LIN7A: variants seen among roughly 807,000 people sequenced by gnomAD.
LIN7A encodes the protein protein lin-7 homolog A.
A neutral mutation model predicts 29.8 loss-of-function variants in LIN7A; 25 were observed. The observed-to-expected ratio is 0.84, with a 90% CI of 0.61 to 1.17. The LOEUF (loss-of-function observed/expected upper bound fraction) is 1.17. LIN7A is among the 50% of genes most tolerant of loss of function. The pLI is 0.00. For missense variants in LIN7A, 239 were observed against 287.0 expected (o/e 0.83, Z 1.21); for synonymous variants, 118 against 107.5 (o/e 1.10, Z -0.60).
chr12:80,892,147 C>A (rs1338839980), intron 1 of LIN7A, among the ~76,000 whole-genome samples: 2 of 152,198 alleles, frequency 1.3e-5, no homozygotes, highest in East Asian at 3.8e-4. Flanking sequence ...CCTCCTTTAT[C>A]TCTGTGAATG....
intron 2 of LIN7A, among the ~76,000 whole-genome samples, chr12:80,865,603 A>T (rs1920996): frequency 6.6e-6 from 1 of 151,986 alleles, no homozygotes; most frequent in Admixed American, 6.6e-5. Context: ...CAGTGCTGAA[A>T]TGTCCACTTT....
chr12:80,838,587 C>T (rs1000741365), intron 4 of LIN7A, among the ~76,000 whole-genome samples: 2 of 152,094 alleles, frequency 1.3e-5, no homozygotes, highest in South Asian at 2.1e-4. Flanking sequence ...GATGTCATGC[C>T]GAGAATAAAA....
chr12:80,874,509 G>A (rs975521971), intron 2 of LIN7A, among the ~76,000 whole-genome samples: 14 of 152,154 alleles, frequency 9.2e-5, no homozygotes, highest in South Asian at 6.2e-4. Flanking sequence ...AAATATATGA[G>A]AAAATAGAAT....
chr12:80,932,478 G>A (rs79494407), intron 1 of LIN7A, among the ~76,000 whole-genome samples: 1,756 of 152,232 alleles, frequency 0.012, 26 homozygotes, highest in African/African-American at 0.04. Flanking sequence ...TTTAACTCAC[G>A]GAAAAGTTAG....
intron 4 of LIN7A, among the ~76,000 whole-genome samples, chr12:80,836,484 C>G (rs1872593830): frequency 6.6e-6 from 1 of 152,094 alleles, no homozygotes; most frequent in Non-Finnish European, 1.5e-5. Flanking sequence ...TAGTGAAAGC[C>G]TGTTTCTATC....
At chr12:80,869,853 ACT>A (rs928858345) in intron 2 of LIN7A, among the ~76,000 whole-genome samples, 2 of 151,968 alleles carry the variant, frequency 1.3e-5, no homozygotes, top group Non-Finnish European at 2.9e-5. Context: ...ACTGAACATG[ACT>A]TACCCTAACA....
chr12:80,878,450 T>TG (rs1874833600), intron 2 of LIN7A, among the ~76,000 whole-genome samples: 1 of 152,228 alleles, frequency 6.6e-6, no homozygotes, highest in African/African-American at 2.4e-5. Context: ...AGTTTGTTCC[T>TG]GCTGGTGGGT....
intron 1 of LIN7A, among the ~76,000 whole-genome samples, chr12:80,890,227 G>C (rs936113474): frequency 1.3e-5 from 2 of 152,050 alleles, no homozygotes; most frequent in Non-Finnish European, 1.5e-5. Context: ...ATTCAATAAA[G>C]AGTCATTTAA....
intron 1 of LIN7A, among the ~76,000 whole-genome samples, chr12:80,908,551 G>A (rs935354018): frequency 6.6e-6 from 1 of 151,976 alleles, no homozygotes; most frequent in African/African-American, 2.4e-5. Flanking sequence ...TTAAGGTATT[G>A]AGACTAATAA....
intron 1 of LIN7A, among the ~76,000 whole-genome samples, chr12:80,898,914 A>G (rs1171431519): frequency 1.3e-5 from 2 of 152,206 alleles, no homozygotes. Flanking sequence ...TAGGTATAGA[A>G]TTATATAGTC....
chr12:80,848,192 C>A, intron 3 of LIN7A, 59 bp downstream of exon 3: 1 of 1,243,066 alleles, frequency 8.0e-7, no homozygotes, highest in Non-Finnish European at 1.2e-6. Flanking sequence ...CACACACGCG[C>A]ACAATCAATT....
chr12:80,813,112 G>A (rs570869147), intron 4 of LIN7A, among the ~76,000 whole-genome samples: 12 of 152,124 alleles, frequency 7.9e-5, no homozygotes, highest in Non-Finnish European at 1.5e-4. Context: ...CCGGGTTCAT[G>A]CCATTCTCCT....
intron 4 of LIN7A, among the ~76,000 whole-genome samples, chr12:80,822,909 T>G (rs1353548075): frequency 6.6e-6 from 1 of 152,168 alleles, no homozygotes; most frequent in East Asian, 1.9e-4. Context: ...GGGGCTGGGC[T>G]GCCTGTTCAA....
intron 2 of LIN7A, among the ~76,000 whole-genome samples, chr12:80,881,587 A>C (rs1012152258): frequency 1.3e-5 from 2 of 151,878 alleles, no homozygotes; most frequent in Admixed American, 6.6e-5. Flanking sequence ...TACCATGAAC[A>C]ATTTTTTGCA....
chr12:80,893,243 C>T (rs1875718203), intron 1 of LIN7A, among the ~76,000 whole-genome samples: 1 of 151,966 alleles, frequency 6.6e-6, no homozygotes, highest in African/African-American at 2.4e-5. Context: ...CATAAAAGCC[C>T]ACAGATGACA....
intron 2 of LIN7A, among the ~76,000 whole-genome samples, chr12:80,853,899 G>T (rs1282820566): frequency 6.6e-6 from 1 of 152,014 alleles, no homozygotes; most frequent in African/African-American, 2.4e-5. Flanking sequence ...TCACTATATT[G>T]TTCAGGCTGG....
chr12:80,934,392 T>C (rs989244224), intron 1 of LIN7A, among the ~76,000 whole-genome samples: 1 of 152,140 alleles, frequency 6.6e-6, no homozygotes, highest in Admixed American at 6.5e-5. Flanking sequence ...CAGATCTTAA[T>C]GGCAGATCAA....
chr12:80,803,479 G>C (rs1374680551), intron 5 of LIN7A, among the ~76,000 whole-genome samples: 6 of 152,070 alleles, frequency 3.9e-5, no homozygotes, highest in Non-Finnish European at 8.8e-5. Context: ...TTGTTCCATT[G>C]GTCTATGTGT....
At chr12:80,853,822 G>C (rs1873453219) in intron 2 of LIN7A, among the ~76,000 whole-genome samples, 1 of 152,064 alleles carries the variant, frequency 6.6e-6, no homozygotes, top group African/African-American at 2.4e-5. Context: ...TCAGCCTCCT[G>C]AGTAGCTTAC....
Sources: allele counts gnomAD v4.1 joint callset (sites outside exome capture counted in the v4.1 genomes callset), GRCh38; gene constraint gnomAD v4.1.1; transcripts MANE v1.5; gene names NCBI Gene and HGNC (gene_info 2026-07-23, HGNC 2026-07-21).